The following ANKRD11 variants were observed in gnomAD, a reference collection of about 807,000 sequenced individuals.
ANKRD11 encodes ankyrin repeat domain-containing protein 11.
ANKRD11 carries 17 observed loss-of-function variants against 195.7 expected under a neutral mutation model. The ratio of observed to expected loss-of-function variants is 0.09; its 90% CI spans 0.06 to 0.13. The LOEUF (loss-of-function observed/expected upper bound fraction) is 0.13, where lower values mean the gene tolerates loss of function less well. ANKRD11 is among the 10% of genes least tolerant of loss of function. The probability of loss-of-function intolerance (pLI) is 1.00; values close to 1 mark genes in which losing one functional copy is unlikely to be tolerated. For synonymous variants in ANKRD11, 1,953 were observed against 1,528.1 expected (o/e 1.28, Z -6.49); for missense variants, 3,735 against 3,566.1 (o/e 1.05, Z -1.21).
intron 6 of ANKRD11, among the ~76,000 whole-genome samples, chr16:89,289,286 TA>T (rs144454150): frequency 6.7e-5 from 10 of 148,762 alleles, no homozygotes; most frequent in African/African-American, 9.9e-5. Flanking sequence ...AAAAATGCTT[TA>T]AAAAAAAAAG....
At chr16:89,369,260 T>C (rs1203640617) in intron 2 of ANKRD11, among the ~76,000 whole-genome samples, 3 of 152,210 alleles carry the variant, frequency 2.0e-5, no homozygotes, top group East Asian at 1.9e-4. Context: ...TACACCTAGG[T>C]ACGCCCGAGA....
chr16:89,419,194 G>A (rs1380000872), intron 1 of ANKRD11, among the ~76,000 whole-genome samples: 13 of 152,206 alleles, frequency 8.5e-5, no homozygotes. Context: ...GCTCACGCCT[G>A]TAATCCCAGC....
At chr16:89,395,108 G>C (rs1168728766) in intron 2 of ANKRD11, among the ~76,000 whole-genome samples, 1 of 152,196 alleles carries the variant, frequency 6.6e-6, no homozygotes, top group Non-Finnish European at 1.5e-5. Flanking sequence ...TGAAGCACAG[G>C]ACAAGATGAA....
chr16:89,305,792 G>A (rs1201544287), intron 3 of ANKRD11, among the ~76,000 whole-genome samples: 4 of 118,344 alleles, frequency 3.4e-5, no homozygotes, highest in South Asian at 5.6e-4. Flanking sequence ...GCAGACACGC[G>A]CCACCTCCCA....
intron 2 of ANKRD11, among the ~76,000 whole-genome samples, chr16:89,393,458 G>C (rs1379607692): frequency 6.6e-6 from 1 of 150,718 alleles, no homozygotes; most frequent in African/African-American, 2.4e-5. Flanking sequence ...CATGTAGCTG[G>C]GATTACAGGC....
chr16:89,489,999 C>G (rs1454989907), intron 1 of ANKRD11, among the ~76,000 whole-genome samples: 2 of 111,408 alleles, frequency 1.8e-5, no homozygotes, highest in African/African-American at 2.9e-5. Flanking sequence ...CACGGCCACC[C>G]CGGGCCCCCA....
At chr16:89,328,458 G>A (rs945787295) in intron 2 of ANKRD11, among the ~76,000 whole-genome samples, 1 of 152,228 alleles carries the variant, frequency 6.6e-6, no homozygotes, top group African/African-American at 2.4e-5. Flanking sequence ...TGTCCCAGCG[G>A]TGTCCTCGAA....
chr16:89,444,471 T>G (rs1159165012), intron 1 of ANKRD11, among the ~76,000 whole-genome samples: 21 of 133,382 alleles, frequency 1.6e-4, no homozygotes, highest in East Asian at 6.5e-4. Flanking sequence ...GGGGGTGGAG[T>G]GGAGGGAGGG....
At chr16:89,382,256 T>C (rs2040691061) in intron 2 of ANKRD11, among the ~76,000 whole-genome samples, 1 of 152,030 alleles carries the variant, frequency 6.6e-6, no homozygotes, top group Non-Finnish European at 1.5e-5. Context: ...TTAAAAGGTG[T>C]CTAGAAATTC....
rs773258799 is a variant in ANKRD11, at chr16:89,288,627, G to A, written c.645C>T (p.Asp215=). ...CTGCAGCCAGCAGCTGCTTCGCGAC[G>A]TCGTAGTAGCCCCGGTTACAGGCCT... ...LHEACNRGYY[D]VAKQLLAAGA... The change falls in exon 7 of 13, where the codon GAC becomes GAT. Residue 215 remains aspartate, a synonymous_variant. Coordinates refer to ENST00000301030, the MANE Select transcript of ANKRD11 (RefSeq NM_013275.6). 2.9e-5 allele frequency: 47 copies of A among 1,613,968 alleles called. No homozygotes were observed. The highest frequency in any genetic ancestry group is 3.3e-4 in the Middle Eastern group (2 of 6,084).
At chr16:89,311,741 G>A (rs1259267828) in intron 3 of ANKRD11, among the ~76,000 whole-genome samples, 1 of 152,174 alleles carries the variant, frequency 6.6e-6, no homozygotes, top group Non-Finnish European at 1.5e-5. Context: ...CTTGGGAGTT[G>A]GGCAAGAGTG....
Position 89,281,338 on chromosome 16 carries a change from A to G in ANKRD11, c.5204T>C (p.Leu1735Pro), listed in dbSNP as rs559832262. The G allele has an allele frequency of 6.2e-7, 1 of 1,612,366 alleles. No homozygotes were observed. Among genetic ancestry groups the G allele is most frequent in the Admixed American group, 1.7e-5 (1 of 59,956 alleles). The change falls in exon 9 of 13, where the codon CTC (leucine) becomes CCC (proline). Residue 1735 changes from leucine (L) to proline (P), a missense_variant. Physicochemically the swap from Leu to Pro is moderately conservative, Grantham distance 98. Coordinates refer to ENST00000301030, the MANE Select transcript of ANKRD11 (RefSeq NM_013275.6). The surrounding 1 kb of genome is among the most constrained non-coding windows in gnomAD (Gnocchi z 5.5). Reference protein sequence around the residue: ...PSCSADDYADLVFDCADSQHS... With the variant: ...PSCSADDYADPVFDCADSQHS... ...CTGCGAGTCGGCGCAGTCGAACACG[A>G]GGTCCGCGTAGTCATCGGCGCTGCA...
intron 2 of ANKRD11, among the ~76,000 whole-genome samples, chr16:89,393,354 G>A (rs557480811): frequency 6.7e-5 from 10 of 148,482 alleles, no homozygotes; most frequent in Admixed American, 2.0e-4. Flanking sequence ...TCTGTAGTGC[G>A]AGACCACTCA....
At chr16:89,299,328 C>CTGCCCTGTGTGGGGTGCGTGGGGTCTG in intron 4 of ANKRD11, 1 of 226,790 alleles carries the variant, frequency 4.4e-6, no homozygotes, top group Admixed American at 5.6e-5. Flanking sequence ...CGTGGGATCC[C>CTGCCCTGTGTGGGGTGCGTGGGGTCTG]TGCCCTGTGT....
At chr16:89,442,573 T>G (rs2043563682) in intron 1 of ANKRD11, among the ~76,000 whole-genome samples, 1 of 152,194 alleles carries the variant, frequency 6.6e-6, no homozygotes, top group African/African-American at 2.4e-5. Context: ...TTCCACCAGC[T>G]GGACAGTATC....
chr16:89,379,833 T>C (rs1211165834), intron 2 of ANKRD11, among the ~76,000 whole-genome samples: 1 of 152,208 alleles, frequency 6.6e-6, no homozygotes, highest in African/African-American at 2.4e-5. Context: ...AGAGTATACA[T>C]AATAATTTCC....
intron 2 of ANKRD11, among the ~76,000 whole-genome samples, chr16:89,339,380 CAAAG>C (rs1199385256): frequency 6.6e-6 from 1 of 151,542 alleles, no homozygotes; most frequent in African/African-American, 2.4e-5. Flanking sequence ...AACAAACAAA[CAAAG>C]AGAAACCAAG....
At chr16:89,442,303 C>G (rs1056351276) in intron 1 of ANKRD11, among the ~76,000 whole-genome samples, 4 of 152,210 alleles carry the variant, frequency 2.6e-5, no homozygotes, top group Admixed American at 2.6e-4. Flanking sequence ...ACTCTACACT[C>G]TCAAAACATA....
rs1426980649 is a variant in ANKRD11 at position 89,279,859 on chromosome 16, T to TCCGGCA, written c.6677_6682dup (p.Val2226_Pro2227dup). The stretch of plus-strand genomic sequence containing the variant: ...GTCCGGATCCCCACGGGCCCTCTCT[T>TCCGGCA]CCGGCACCGTCTCCGCCTCCACCGC... On this transcript the variant is annotated inframe_insertion, in exon 9 of 13. Coordinates refer to ENST00000301030, the MANE Select transcript of ANKRD11 (RefSeq NM_013275.6). The surrounding 1 kb of genome is among the most constrained non-coding windows in gnomAD (Gnocchi z 5.6). 1 of 1,556,054 alleles carries TCCGGCA rather than the reference T, an allele frequency of 6.4e-7. No individual in the cohort carries two copies. The highest frequency in any genetic ancestry group is 1.9e-5 in the Admixed American group (1 of 52,056).
Sources: allele counts gnomAD v4.1 joint callset (sites outside exome capture counted in the v4.1 genomes callset), GRCh38; gene constraint gnomAD v4.1.1; non-coding constraint Gnocchi (gnomAD v3.1); transcripts MANE v1.5; gene names NCBI Gene and HGNC (gene_info 2026-07-23, HGNC 2026-07-21).